Variants in NRG3 observed in about 807,000 individuals in gnomAD.
The protein encoded by NRG3 is neuregulin 3, also known as pro-neuregulin-3, membrane-bound isoform.
In NRG3, 31 loss-of-function variants were observed where a neutral mutation model predicts 66.9. The observed-to-expected ratio is 0.46, with a 90% CI of 0.35 to 0.63. The LOEUF is 0.63. Ranked by LOEUF, NRG3 falls within the 20% of genes least tolerant of loss-of-function variation. The pLI is 0.00. For synonymous variants in NRG3, 393 were observed against 359.4 expected, an observed-to-expected ratio of 1.09 and a Z score of -1.06; for missense variants, 910 against 878.9, an observed-to-expected ratio of 1.04 and a Z score of -0.45.
At chr10:82,089,820 A>G (rs1474857152) in intron 1 of NRG3, among the ~76,000 whole-genome samples, 1 of 152,194 alleles carries the variant, frequency 6.6e-6, no homozygotes. Flanking sequence ...TTTTCTCCAC[A>G]ATAGGAAGGC....
At chr10:82,862,148 C>T (rs551680849) in intron 3 of NRG3, among the ~76,000 whole-genome samples, 6 of 152,278 alleles carry the variant, frequency 3.9e-5, no homozygotes, top group African/African-American at 1.4e-4. Flanking sequence ...GGCATCAACA[C>T]CTAACTCTTT....
At chr10:82,545,383 T>A (rs1455178893) in intron 2 of NRG3, among the ~76,000 whole-genome samples, 2 of 149,612 alleles carry the variant, frequency 1.3e-5, no homozygotes, top group Non-Finnish European at 3.0e-5. Flanking sequence ...TAGCATTTTT[T>A]TTTTTTTTTT....
intron 1 of NRG3, among the ~76,000 whole-genome samples, chr10:82,049,828 T>TG (rs2063505614): frequency 6.6e-6 from 1 of 152,060 alleles, no homozygotes; most frequent in Admixed American, 6.6e-5. Context: ...TCATCTCGTG[T>TG]GACCCTGCTG....
rs375190051 is a variant in NRG3, at chr10:82,252,891, G to A, written c.824-105848G>A. Among the ~76,000 whole-genome samples the A allele has an allele frequency of 1.2e-4, 18 of 152,174 alleles. No individual in the cohort carries two copies. The South Asian group carries it at 3.3e-3, about 28-fold the overall frequency. On this transcript the variant is annotated intron_variant, in intron 1 of 8. Coordinates refer to ENST00000372141, the MANE Select transcript of NRG3 (RefSeq NM_001010848.4). ...TCTGACTTCTTTCAGCCACTAAGCCGTGGATGTTCTCAGTCCTCAGTCATT... is the reference window on the plus strand; with the variant it reads ...TCTGACTTCTTTCAGCCACTAAGCCATGGATGTTCTCAGTCCTCAGTCATT...
At position 81,911,603 on chromosome 10, in the gene NRG3, G is replaced by GGTTT. The variant is rs1306854861; in HGVS notation, c.823+35440_823+35441insGTTT. Among the ~76,000 whole-genome samples the GGTTT allele has an allele frequency of 4.5e-4, 35 of 77,962 alleles. 2 individuals are homozygous for GGTTT. Among genetic ancestry groups the GGTTT allele is most frequent in the Middle Eastern group, 7.6e-3 (1 of 132 alleles). The allele number at this position is 77,962 out of a possible 152,430, so 51.1% of individuals were successfully genotyped here. A position where few individuals can be genotyped will look rare whatever the true frequency, so the allele number is the denominator to read the frequency against. ...TGTCTTCACCCTCTAGCACAGACTT[G>GGTTT]TTTTTTTTTTTTTTTTTTTTTTTTT... On this transcript the variant is annotated intron_variant, in intron 1 of 8. Transcript: ENST00000372141.
At chr10:82,719,317 C>T (rs1373735170) in intron 2 of NRG3, among the ~76,000 whole-genome samples, 2 of 152,160 alleles carry the variant, frequency 1.3e-5, no homozygotes, top group Non-Finnish European at 2.9e-5. Flanking sequence ...AGGGGAAAAA[C>T]CTTTTGCTGT....
chr10:82,915,906 T>G (rs1845783796), intron 4 of NRG3, among the ~76,000 whole-genome samples: 1 of 152,174 alleles, frequency 6.6e-6, no homozygotes, highest in African/African-American at 2.4e-5. Flanking sequence ...AACGTTTATT[T>G]TTCTGAAATA....
At chr10:82,503,210 A>G (rs1844364154) in intron 2 of NRG3, among the ~76,000 whole-genome samples, 1 of 152,186 alleles carries the variant, frequency 6.6e-6, no homozygotes, top group Admixed American at 6.5e-5. Flanking sequence ...CAAGCTGTGT[A>G]AATATTTCCC....
At chr10:81,901,110 A>G (rs1233649349) in intron 1 of NRG3, among the ~76,000 whole-genome samples, 1 of 152,202 alleles carries the variant, frequency 6.6e-6, no homozygotes, top group East Asian at 1.9e-4. Context: ...AGAGAGAGAA[A>G]GACAGGGGCA....
chr10:82,536,567 C>T (rs1235942107), intron 2 of NRG3, among the ~76,000 whole-genome samples: 5 of 152,098 alleles, frequency 3.3e-5, no homozygotes, highest in African/African-American at 1.2e-4. Context: ...ACTCATTTTA[C>T]AAGTGGTTAA....
intron 3 of NRG3, among the ~76,000 whole-genome samples, chr10:82,808,642 G>T (rs1173714535): frequency 6.6e-6 from 1 of 152,096 alleles, no homozygotes; most frequent in African/African-American, 2.4e-5. Flanking sequence ...TTTCTGCAAT[G>T]ACAAAACTTT....
At chr10:82,261,729 G>A (rs1425701949) in intron 1 of NRG3, among the ~76,000 whole-genome samples, 11 of 152,158 alleles carry the variant, frequency 7.2e-5, no homozygotes, top group African/African-American at 2.7e-4. Flanking sequence ...TATCTGCAGC[G>A]GGAACATGTC....
intron 1 of NRG3, among the ~76,000 whole-genome samples, chr10:82,355,546 G>T (rs1026577764): frequency 2.0e-5 from 3 of 152,168 alleles, no homozygotes; most frequent in Non-Finnish European, 4.4e-5. Context: ...TTGTTTGGTT[G>T]TAAGTGATAG....
chr10:82,191,375 A>G (rs1367144541), intron 1 of NRG3, among the ~76,000 whole-genome samples: 2 of 152,162 alleles, frequency 1.3e-5, no homozygotes, highest in Non-Finnish European at 2.9e-5. Flanking sequence ...TGCTTTCATG[A>G]TAAGTCTAAG....
intron 2 of NRG3, among the ~76,000 whole-genome samples, chr10:82,526,392 A>G (rs554619610): frequency 6.6e-6 from 1 of 151,982 alleles, no homozygotes; most frequent in African/African-American, 2.4e-5. Context: ...AAAAAATGAA[A>G]TGTATTTACA....
intron 3 of NRG3, among the ~76,000 whole-genome samples, chr10:82,812,407 C>T (rs1236148411): frequency 6.6e-6 from 1 of 152,094 alleles, no homozygotes; most frequent in Non-Finnish European, 1.5e-5. Context: ...GGCTCAAGAA[C>T]AAAAAGTCTA....
chr10:82,375,425 T>C (rs1333631835), intron 2 of NRG3, among the ~76,000 whole-genome samples: 2 of 151,618 alleles, frequency 1.3e-5, no homozygotes, highest in African/African-American at 4.9e-5. Context: ...TAGTCCCAGC[T>C]ACCAGGGAGG....
At chr10:82,803,598 C>A (rs547475051) in intron 3 of NRG3, among the ~76,000 whole-genome samples, 1 of 152,096 alleles carries the variant, frequency 6.6e-6, no homozygotes, top group African/African-American at 2.4e-5. Context: ...ATGAGAGAAT[C>A]AGAATCTCTT....
chr10:82,115,243 G>A (rs2067634712), intron 1 of NRG3, among the ~76,000 whole-genome samples: 1 of 152,012 alleles, frequency 6.6e-6, no homozygotes, highest in Non-Finnish European at 1.5e-5. Context: ...CCTATTTACT[G>A]AGAGCTTCCC....
Sources: gnomAD v4.1 joint callset for allele counts (sites outside exome capture counted in the v4.1 genomes callset) on GRCh38, gnomAD v4.1.1 for gene constraint, MANE v1.5 for transcripts, NCBI Gene and HGNC (gene_info 2026-07-23, HGNC 2026-07-21) for gene names.